The following TEAD3 variants were observed in gnomAD, a reference collection of about 807,000 sequenced individuals.
TEAD3 encodes the protein TEA domain transcription factor 3.
A neutral mutation model predicts 55.6 loss-of-function variants in TEAD3; 15 were observed. That is an observed-to-expected ratio of 0.27 (90% confidence interval 0.18 to 0.42). The LOEUF (loss-of-function observed/expected upper bound fraction) is 0.42. Among genes scored for constraint, TEAD3 ranks in the 10% least tolerant of loss-of-function variants. The pLI is 1.00. For missense variants in TEAD3, 407 were observed against 576.8 expected, an observed-to-expected ratio of 0.71 and a Z score of 3.01; for synonymous variants, 210 against 232.2, an observed-to-expected ratio of 0.90 and a Z score of 0.87.
chr6:35,491,967 C>T lies in TEAD3; in HGVS notation c.-50+4931G>A, dbSNP rs1482530152. Among the ~76,000 whole-genome samples, 1 of 152,166 alleles carries T rather than the reference C, an allele frequency of 6.6e-6. No individual in the cohort carries two copies. On this transcript the variant is annotated intron_variant, in intron 1 of 12. Transcript: ENST00000639578. The surrounding 1 kb of genome is among the most constrained non-coding windows in gnomAD (Gnocchi z 4.4). ...CTCCAGACCACCCAGCCCTGTAGCT[C>T]CCTTTAGGGGCCCCAGAGCCACTGC...
chr6:35,476,207 C>A (rs964521248), intron 9 of TEAD3, 95 bp downstream of exon 9: 3 of 1,553,572 alleles, frequency 1.9e-6, no homozygotes, highest in African/African-American at 2.7e-5. Flanking sequence ...ACAGGCCAGA[C>A]CCCCAACCCC....
downstream of TEAD3, chr6:35,474,825 C>A: frequency 1.9e-6 from 1 of 528,076 alleles, no homozygotes; most frequent in Non-Finnish European, 3.3e-6. Flanking sequence ...GGACAGGCTG[C>A]CCCACCGCTG....
At chr6:35,477,714 T>G (rs1768180187) in intron 7 of TEAD3, among the ~76,000 whole-genome samples, 1 of 150,090 alleles carries the variant, frequency 6.7e-6, no homozygotes, top group Non-Finnish European at 1.5e-5. Flanking sequence ...ACTTGTTAAC[T>G]GAGAGACTGC....
At chr6:35,476,727 A>G (rs1295724284) in intron 8 of TEAD3, among the ~76,000 whole-genome samples, 1 of 152,248 alleles carries the variant, frequency 6.6e-6, no homozygotes, top group Non-Finnish European at 1.5e-5. Context: ...TCTTGTTAAG[A>G]TTTCAGTGCA....
In TEAD3 at chr6:35,491,562, C is replaced by T. The variant is rs541594494; in HGVS notation, c.-49-4851G>A. ...CTCCCATCTCAGGGGCTCCTACCCT[C>T]CACCTCCTCTCAGAACCCCTCCCAT... On this transcript the variant is annotated intron_variant, in intron 1 of 12. Transcript: ENST00000639578. This position sits in a 1 kb window ranked among gnomAD's most constrained non-coding sequence, Gnocchi z 4.4. Among the ~76,000 whole-genome samples, 1 of 152,274 alleles carries T rather than the reference C, an allele frequency of 6.6e-6. No individual in the cohort carries two copies. Among genetic ancestry groups the T allele is most frequent in the South Asian group, 2.1e-4 (1 of 4,830 alleles).
rs749797129 is a variant in TEAD3 at position 35,476,446 on chromosome 6, G to A, written c.593-11C>T. On this transcript the variant is annotated splice_polypyrimidine_tract_variant and intron_variant, in intron 8 of 12. Coordinates refer to ENST00000639578, the Ensembl canonical transcript of TEAD3. ...CCAGGGGCTCATAACCTGGGAGGGC[G>A]AGACAGATTTTCATCTGCATGGATG... 5.6e-6 allele frequency: 9 copies of A among 1,612,462 alleles called. No individual in the cohort carries two copies. Among genetic ancestry groups the A allele is most frequent in the South Asian group, 2.2e-5 (2 of 91,000 alleles).
rs1768324825 is a variant in TEAD3, at chr6:35,484,391, T to G, written c.267+169A>C. Among the ~76,000 whole-genome samples, 3 of 141,108 alleles carry G rather than the reference T, an allele frequency of 2.1e-5. No homozygotes were observed. Among genetic ancestry groups the G allele is most frequent in the South Asian group, 2.2e-4 (1 of 4,448 alleles). 92.6% of individuals were successfully genotyped at this position (141,108 alleles called of 152,430 possible). On this transcript the variant is annotated intron_variant, in intron 3 of 12. Transcript: ENST00000639578. The surrounding 1 kb of genome is among the most constrained non-coding windows in gnomAD (Gnocchi z 5.8). ...AAGGGTGAATGGAGCTGCTTGGGGG[T>G]GGGAGGGTGTAAAATCGAGGGGGTA... is the stretch of plus-strand genomic sequence containing the variant.
At chr6:35,480,424 A>G in intron 3 of TEAD3, 50 bp from the exon 4 acceptor site, 1 of 1,605,836 alleles carries the variant, frequency 6.2e-7, no homozygotes, top group South Asian at 1.1e-5. Context: ...GACAGTGAGG[A>G]GGCACAGCCA....
intron 1 of TEAD3, among the ~76,000 whole-genome samples, chr6:35,493,895 C>T (rs1768587011): frequency 6.6e-6 from 1 of 152,260 alleles, no homozygotes; most frequent in Non-Finnish European, 1.5e-5. Context: ...AGGCAGCCAG[C>T]TTCCTTCATC....
chr6:35,487,548 CAAAAAAA>C (rs869103103), intron 1 of TEAD3, among the ~76,000 whole-genome samples: 2 of 54,640 alleles, frequency 3.7e-5, no homozygotes, highest in Non-Finnish European at 8.3e-5. Flanking sequence ...CGAGACTCCT[CAAAAAAA>C]AAAAAAAAAA....
At chr6:35,489,109 AT>A (rs1768449540) in intron 1 of TEAD3, among the ~76,000 whole-genome samples, 1 of 152,200 alleles carries the variant, frequency 6.6e-6, no homozygotes, top group African/African-American at 2.4e-5. Context: ...TCAACTAGTT[AT>A]TGTAATTATT....
chr6:35,475,569 C>G lies in TEAD3; in HGVS notation c.1038G>C (p.Val346=), dbSNP rs747600244. 1.1e-5 allele frequency: 18 copies of G among 1,609,510 alleles called. No homozygotes were observed. The Admixed American group carries it at 3.0e-4, about 27-fold the overall frequency. ...GCCACCCAGAGCCCCCACTCACCTC[C>G]ACCTTCTCTACCACCTGTTTGCCAA... is the stretch of plus-strand genomic sequence containing the variant. The change falls in exon 11 of 13, where the codon GTG becomes GTC. Residue 346 remains valine (V), a synonymous_variant. Transcript: ENST00000639578. The surrounding 1 kb of genome is among the most constrained non-coding windows in gnomAD (Gnocchi z 5.4).
chr6:35,492,185 G>A (rs1257773692), intron 1 of TEAD3, among the ~76,000 whole-genome samples: 1 of 152,348 alleles, frequency 6.6e-6, no homozygotes, highest in Admixed American at 6.5e-5. Flanking sequence ...CACTCAAAAT[G>A]TGGCAAGATC....
In TEAD3 at chr6:35,496,298, T is replaced by C. The variant is rs1014273207; in HGVS notation, c.-50+600A>G. Reference sequence around the variant, plus strand: ...AGCACCCCGACGCAGGCGGCAGAACTGAAGGGAACGTGAGCCCCTCCCTGC... The same window carrying C: ...AGCACCCCGACGCAGGCGGCAGAACCGAAGGGAACGTGAGCCCCTCCCTGC... On this transcript the variant is annotated intron_variant, in intron 1 of 12. Coordinates refer to ENST00000639578, the Ensembl canonical transcript of TEAD3. The surrounding 1 kb of genome is among the most constrained non-coding windows in gnomAD (Gnocchi z 4.8). 6.6e-6 allele frequency among the ~76,000 whole-genome samples: 1 copy of C among 151,980 alleles called. No individual in the cohort carries two copies. Among genetic ancestry groups the C allele is most frequent in the African/African-American group, 2.4e-5 (1 of 41,394 alleles).
At chr6:35,477,347 A>G (rs1297337412) in exon 8 of TEAD3, 2 of 1,604,164 alleles carry the variant, frequency 1.2e-6, no homozygotes, top group Non-Finnish European at 1.7e-6. Flanking sequence ...TGGATGGGGT[A>G]GGCTGGCTGT....
rs1420236887 is a variant in TEAD3 at position 35,484,854 on chromosome 6, G to A, written c.203-230C>T. Among the ~76,000 whole-genome samples, 5 of 152,164 alleles carry A rather than the reference G, an allele frequency of 3.3e-5. No individual in the cohort carries two copies. Among genetic ancestry groups the A allele is most frequent in the Admixed American group, 6.5e-5 (1 of 15,292 alleles). ...AGAGGGGCTGCTCTTCAGGGGAGGG[G>A]TGCATGAGGGGCTGCAGGGTAGGAG... On this transcript the variant is annotated intron_variant, in intron 2 of 12. Coordinates refer to ENST00000639578, the Ensembl canonical transcript of TEAD3. The surrounding 1 kb of genome is among the most constrained non-coding windows in gnomAD (Gnocchi z 5.8).
chr6:35,496,106 G>A lies in TEAD3; in HGVS notation c.-50+792C>T, dbSNP rs796626183. ...CCCTCCCTCCCCTAGCAGGAATAAAGGGCATGACAGACAATGGTGGGGACC... is the reference window on the plus strand; with the variant it reads ...CCCTCCCTCCCCTAGCAGGAATAAAAGGCATGACAGACAATGGTGGGGACC... On this transcript the variant is annotated intron_variant, in intron 1 of 12. Transcript: ENST00000639578. The surrounding 1 kb of genome is among the most constrained non-coding windows in gnomAD (Gnocchi z 4.8). Among the ~76,000 whole-genome samples, 6 of 148,952 alleles carry A rather than the reference G, an allele frequency of 4.0e-5. 1 individual carries two copies. The highest frequency in any genetic ancestry group is 1.2e-4 in the African/African-American group (5 of 41,048).
Position 35,486,170 on chromosome 6 carries a change from G to T in TEAD3, c.202+291C>A, listed in dbSNP as rs1194077611. ...TCCGGGCCTCGACCGGCGCAGACTG[G>T]GCTGACCCACTTTCTTGGGCCCACT... On this transcript the variant is annotated intron_variant, in intron 2 of 12. Transcript: ENST00000639578. The surrounding 1 kb of genome is among the most constrained non-coding windows in gnomAD (Gnocchi z 7.3). 6.6e-6 allele frequency among the ~76,000 whole-genome samples: 1 copy of T among 152,222 alleles called. No individual in the cohort carries two copies. The highest frequency in any genetic ancestry group is 2.4e-5 in the African/African-American group (1 of 41,462).
In TEAD3 at chr6:35,475,136, G is replaced by T; in HGVS notation, c.1216C>A (p.Gln406Lys). 1 of 1,585,624 alleles carries T rather than the reference G, an allele frequency of 6.3e-7. No homozygotes were observed. Among genetic ancestry groups the T allele is most frequent in the East Asian group, 2.3e-5 (1 of 43,454 alleles). The change falls in exon 13 of 13, where the codon CAG becomes AAG. Residue 406 changes from glutamine (Q) to lysine (K), a missense_variant. Gln to Lys is a moderately conservative substitution (Grantham distance 53). Transcript: ENST00000639578. The surrounding 1 kb of genome is among the most constrained non-coding windows in gnomAD (Gnocchi z 5.4). ...AAAGCAATGACAAGCAGGGTCTCCT[G>T]GGAGTCCCGGCTCGTGACCACCTGG...
Sources: gnomAD v4.1 joint callset for allele counts (sites outside exome capture counted in the v4.1 genomes callset) on GRCh38, gnomAD v4.1.1 for gene constraint, Gnocchi (gnomAD v3.1) non-coding constraint, MANE v1.5 for transcripts, NCBI Gene and HGNC (gene_info 2026-07-23, HGNC 2026-07-21) for gene names.